Variants in HIF3A observed in about 807,000 individuals in gnomAD.
The protein encoded by HIF3A is hypoxia inducible factor 3 subunit alpha, also known as hypoxia-inducible factor 3-alpha.
In HIF3A, 41 loss-of-function variants were observed where a neutral mutation model predicts 67.2. The observed-to-expected ratio is 0.61, with a 90% CI of 0.48 to 0.79. The LOEUF is 0.79. Ranked by LOEUF, HIF3A falls within the 30% of genes least tolerant of loss-of-function variation. HIF3A has a pLI of 0.00. For missense variants in HIF3A, 855 were observed against 898.0 expected (o/e 0.95, Z 0.61); for synonymous variants, 356 against 374.8 (o/e 0.95, Z 0.58).
At position 46,309,212 on chromosome 19, in the gene HIF3A, G is replaced by A. The variant is rs138081648; in HGVS notation, c.623G>A (p.Gly208Glu). Residue 208 changes from glycine to glutamate, a missense_variant, in exon 6 of 15, where the codon GGG (glycine) becomes GAG (glutamate). By Grantham distance (98) the Gly-to-Glu change is moderately conservative (BLOSUM62 -2). Coordinates refer to ENST00000377670, the MANE Select transcript of HIF3A (RefSeq NM_152795.4). Reference sequence around the variant, plus strand: ...CCACCTGCGCAGACTTCTCCAGCTGGGAGCCCTGACTCAGAGCCCCCGCTG... The same window carrying A: ...CCACCTGCGCAGACTTCTCCAGCTGAGAGCCCTGACTCAGAGCCCCCGCTG... ...YKPPAQTSPAGSPDSEPPLQC... is the reference protein window; with the variant it reads ...YKPPAQTSPAESPDSEPPLQC... 2 of 1,613,976 alleles carry A rather than the reference G, an allele frequency of 1.2e-6. No individual in the cohort carries two copies. The highest frequency in any genetic ancestry group is 1.7e-6 in the Non-Finnish European group (2 of 1,180,008).
intron 8 of HIF3A, among the ~76,000 whole-genome samples, chr19:46,317,093 G>A (rs1464335959): frequency 1.3e-5 from 2 of 151,800 alleles, no homozygotes. Flanking sequence ...ATTTTTTTTT[G>A]TATTTTTTGT....
At chr19:46,317,485 C>G (rs542932810) in intron 8 of HIF3A, among the ~76,000 whole-genome samples, 1 of 152,258 alleles carries the variant, frequency 6.6e-6, no homozygotes, top group East Asian at 1.9e-4. Context: ...CCTCCCTCCC[C>G]TTCTCACTTA....
intron 9 of HIF3A, among the ~76,000 whole-genome samples, chr19:46,321,518 AG>A (rs1381152233): frequency 2.0e-5 from 3 of 152,338 alleles, no homozygotes; most frequent in Non-Finnish European, 4.4e-5. Context: ...CAGGAGGCAG[AG>A]GCTGCAGTGA....
intron 13 of HIF3A, among the ~76,000 whole-genome samples, chr19:46,333,281 G>T (rs1172763780): frequency 6.6e-6 from 1 of 152,112 alleles, no homozygotes; most frequent in Non-Finnish European, 1.5e-5. Flanking sequence ...TTAATAACAG[G>T]ACTGTTGAAA....
At chr19:46,312,861 G>T in intron 8 of HIF3A, 2 of 1,140,668 alleles carry the variant, frequency 1.8e-6, no homozygotes, top group Non-Finnish European at 1.1e-6. Flanking sequence ...ACAGGTATGT[G>T]TATGGGTGTG....
intron 8 of HIF3A, chr19:46,313,442 G>A (rs1349523335): frequency 8.4e-6 from 1 of 119,558 alleles, no homozygotes; most frequent in Non-Finnish European, 1.5e-5. Context: ...GGGCAAAGTG[G>A]TTAGGACCCA....
chr19:46,324,915 C>CACATATATATATACACATATATATAT (rs1355595634), intron 10 of HIF3A, among the ~76,000 whole-genome samples: 6 of 143,862 alleles, frequency 4.2e-5, no homozygotes, highest in Non-Finnish European at 9.0e-5. Flanking sequence ...TATACACACA[C>CACATATATATATACACATATATATAT]ACATATATAT....
At chr19:46,319,597 T>G (rs528847988) in intron 8 of HIF3A, among the ~76,000 whole-genome samples, 6 of 152,352 alleles carry the variant, frequency 3.9e-5, no homozygotes, top group African/African-American at 1.2e-4. Flanking sequence ...TCATAAAAAT[T>G]ACAGCCCTAT....
chr19:46,341,629 T>A lies in HIF3A; in HGVS notation c.*2007T>A, dbSNP rs889254965. On this transcript the variant is annotated 3_prime_UTR_variant, in exon 15 of 15. Transcript: ENST00000377670. Reference sequence around the variant, plus strand: ...GAGTTTGATGTGTTTATCTCTTTTTTCTTCCTCTTCTTTTTTTTTTTTTTC... The same window carrying A: ...GAGTTTGATGTGTTTATCTCTTTTTACTTCCTCTTCTTTTTTTTTTTTTTC... 1.3e-5 allele frequency: 2 copies of A among 151,080 alleles called. No individual in the cohort carries two copies. Among genetic ancestry groups the A allele is most frequent in the Non-Finnish European group, 1.5e-5 (1 of 68,118 alleles). 9.4% of individuals were successfully genotyped at this position (151,080 alleles called of 1,614,324 possible). A position where few individuals can be genotyped will look rare whatever the true frequency, so the allele number is the denominator to read the frequency against.
intron 14 of HIF3A, among the ~76,000 whole-genome samples, chr19:46,336,667 G>A (rs1021826225): frequency 1.3e-5 from 2 of 152,138 alleles, no homozygotes; most frequent in Middle Eastern, 3.4e-3. Flanking sequence ...GATTACAGGC[G>A]TGAGCCACCG....
At chr19:46,299,071 C>G (rs1249603100) in intron 1 of HIF3A, among the ~76,000 whole-genome samples, 1 of 152,272 alleles carries the variant, frequency 6.6e-6, no homozygotes, top group Non-Finnish European at 1.5e-5. Flanking sequence ...CCCCCATTCT[C>G]AGGCCTCACC....
At chr19:46,332,597 C>G (rs1343156111) in intron 13 of HIF3A, among the ~76,000 whole-genome samples, 2 of 152,190 alleles carry the variant, frequency 1.3e-5, no homozygotes, top group African/African-American at 4.8e-5. Flanking sequence ...AGGCCTCCCT[C>G]TAGGACCTTT....
chr19:46,301,831 A>AAAAAATT (rs201585152), intron 1 of HIF3A, among the ~76,000 whole-genome samples: 10 of 151,298 alleles, frequency 6.6e-5, no homozygotes, highest in East Asian at 1.9e-4. Flanking sequence ...CAAAAAAAAA[A>AAAAAATT]AAAAATTAAA....
rs757084571 is a variant in HIF3A at position 46,308,746 on chromosome 19, A to G, written c.532A>G (p.Thr178Ala). The change falls in exon 5 of 15, where the codon ACC becomes GCC. Residue 178 changes from threonine (T) to alanine (A), a missense_variant. This residue lies in a region of HIF3A where 638 missense variants were observed against 660.5 expected (regional missense o/e 0.97). Transcript: ENST00000377670. The stretch of plus-strand genomic sequence containing the variant: ...GAGTACACTCACCAGCCGCGGGCGC[A>G]CCCTCAACCTCAAGGCGGCCACCTG... ...MKSTLTSRGR[T>A]LNLKAATWKV... 9 of 1,609,054 alleles carry G rather than the reference A, an allele frequency of 5.6e-6. No individual in the cohort carries two copies. The highest frequency in any genetic ancestry group is 5.9e-6 in the Non-Finnish European group (7 of 1,177,872).
chr19:46,330,128 A>C (rs1257363948), intron 12 of HIF3A, among the ~76,000 whole-genome samples: 2 of 152,134 alleles, frequency 1.3e-5, no homozygotes, highest in East Asian at 3.9e-4. Context: ...CTCATTTCGA[A>C]TCCAGAGTGG....
In HIF3A at chr19:46,325,624, T is replaced by A. The variant is rs1275208014; in HGVS notation, c.1425T>A (p.Asp475Glu). The A allele has an allele frequency of 1.9e-6, 3 of 1,610,776 alleles. No homozygotes were observed. Among genetic ancestry groups the A allele is most frequent in the Middle Eastern group, 1.7e-4 (1 of 6,054 alleles). ...SGKDTEAVET[D>E]LDIAQDADAL... ...AAGACACTGAGGCAGTGGAGACAGA[T>A]TTAGATATAGCTCAGGTAAGGGCTG... Residue 475 changes from aspartate (D) to glutamate (E), a missense_variant, in exon 11 of 15, where the codon GAT (aspartate) becomes GAA (glutamate). Asp to Glu is a conservative substitution (Grantham distance 45, BLOSUM62 2). This residue lies in a region of HIF3A where 638 missense variants were observed against 660.5 expected (regional missense o/e 0.97). Transcript: ENST00000377670.
rs193098532 is a variant in HIF3A at position 46,310,937 on chromosome 19, G to T, written c.771-1224G>T. 5.8e-3 allele frequency among the ~76,000 whole-genome samples: 884 copies of T among 152,286 alleles called. 26 individuals are homozygous for T. Among genetic ancestry groups the T allele is most frequent in the Admixed American group, 0.043 (660 of 15,286 alleles). On this transcript the variant is annotated intron_variant, in intron 6 of 14. Coordinates refer to ENST00000377670, the MANE Select transcript of HIF3A (RefSeq NM_152795.4). ...GGCTACTTTTTGTATTTTTAGTAGAGATGGGGTTTTACCATGTTGGTCAGT... is the reference window on the plus strand; with the variant it reads ...GGCTACTTTTTGTATTTTTAGTAGATATGGGGTTTTACCATGTTGGTCAGT...
At chr19:46,315,203 A>G (rs974691947) in intron 8 of HIF3A, among the ~76,000 whole-genome samples, 3 of 146,176 alleles carry the variant, frequency 2.1e-5, no homozygotes, top group Non-Finnish European at 3.0e-5. Flanking sequence ...AGTGGCTGGG[A>G]TTATAGGCGC....
intron 1 of HIF3A, among the ~76,000 whole-genome samples, chr19:46,299,999 G>A (rs1657516165): frequency 6.6e-6 from 1 of 152,194 alleles, no homozygotes; most frequent in African/African-American, 2.4e-5. Context: ...CGGATTCACT[G>A]AGAAGTGGTT....
Sources: allele counts gnomAD v4.1 joint callset (sites outside exome capture counted in the v4.1 genomes callset), GRCh38; gene constraint gnomAD v4.1.1; regional missense constraint gnomAD v4.1.1; transcripts MANE v1.5; gene names NCBI Gene and HGNC (gene_info 2026-07-23, HGNC 2026-07-21).